The following MYO9B variants were observed in gnomAD, a reference collection of about 807,000 sequenced individuals.
MYO9B encodes myosin IXB.
In MYO9B, 71 loss-of-function variants were observed where a neutral mutation model predicts 229.5. That is an observed-to-expected ratio of 0.31 (90% CI 0.26 to 0.38). MYO9B has a LOEUF of 0.38. Ranked by LOEUF, MYO9B falls within the 10% of genes least tolerant of loss-of-function variation. The pLI is 1.00. For synonymous variants in MYO9B, 1,185 were observed against 1,235.8 expected (o/e 0.96, Z 0.86); for missense variants, 2,255 against 2,920.5 (o/e 0.77, Z 5.25).
chr19:17,135,572 G>A (rs780988627), intron 2 of MYO9B, among the ~76,000 whole-genome samples: 3 of 152,146 alleles, frequency 2.0e-5, no homozygotes, highest in African/African-American at 7.2e-5. Flanking sequence ...CTTCCCCCTC[G>A]GATGTATAAT....
chr19:17,105,617 C>T (rs1018442423), intron 2 of MYO9B, among the ~76,000 whole-genome samples: 1 of 152,114 alleles, frequency 6.6e-6, no homozygotes, highest in African/African-American at 2.4e-5. Context: ...TCCTGAGAGC[C>T]CCCTCAGTGG....
At chr19:17,146,172 TGG>T (rs1344825931) in intron 3 of MYO9B, among the ~76,000 whole-genome samples, 8 of 99,762 alleles carry the variant, frequency 8.0e-5, no homozygotes, top group African/African-American at 3.7e-4. Context: ...GATGGATGGA[TGG>T]ATGGATGGAT....
intron 1 of MYO9B, among the ~76,000 whole-genome samples, chr19:17,094,232 T>C (rs2057667455): frequency 1.3e-5 from 2 of 152,106 alleles, no homozygotes; most frequent in Non-Finnish European, 2.9e-5. Flanking sequence ...ACGGGATTTC[T>C]CCATGTTGGT....
chr19:17,090,118 CT>C (rs59440394), intron 1 of MYO9B, among the ~76,000 whole-genome samples: 1 of 49,234 alleles, frequency 2.0e-5, no homozygotes, highest in Non-Finnish European at 3.7e-5. Flanking sequence ...TGCTTCCTTC[CT>C]TTTTTTTTTT....
rs1386012323 is a variant in MYO9B, at chr19:17,103,187, G to GACCT, written c.840+630_840+631insACCT. 3 of 152,350 alleles carry GACCT rather than the reference G, an allele frequency of 2.0e-5. No homozygotes were observed. In the East Asian group the frequency reaches 5.8e-4, roughly 29 times the overall value. 9.4% of individuals were successfully genotyped at this position (152,350 alleles called of 1,614,324 possible). ...GATTGCACTACTGCACTCCAGCCTG[G>GACCT]GCAACAGAGACAGACCCTGCCTCTA... On this transcript the variant is annotated intron_variant, in intron 2 of 39. Coordinates refer to ENST00000682292, the MANE Select transcript of MYO9B (RefSeq NM_004145.4).
At chr19:17,129,205 G>C (rs2072163562) in intron 2 of MYO9B, among the ~76,000 whole-genome samples, 1 of 152,120 alleles carries the variant, frequency 6.6e-6, no homozygotes, top group Non-Finnish European at 1.5e-5. Flanking sequence ...TTCGAGACCA[G>C]CCTGGCCAAC....
At chr19:17,208,193 G>A (rs888880192) in intron 35 of MYO9B, among the ~76,000 whole-genome samples, 1 of 147,168 alleles carries the variant, frequency 6.8e-6, no homozygotes, top group African/African-American at 2.5e-5. Flanking sequence ...ATATAAACTA[G>A]CCAGGTGTGG....
intron 3 of MYO9B, among the ~76,000 whole-genome samples, chr19:17,149,200 A>G (rs754147437): frequency 1.5e-4 from 23 of 150,958 alleles, no homozygotes; most frequent in Admixed American, 3.3e-4. Flanking sequence ...CTGGTCTTGA[A>G]CTCCTGGCCT....
chr19:17,154,371 G>C lies in MYO9B; in HGVS notation c.1155G>C (p.Lys385Asn), dbSNP rs2072514866. 6.2e-7 allele frequency: 1 copy of C among 1,613,312 alleles called. No homozygotes were observed. Among genetic ancestry groups the C allele is most frequent in the South Asian group, 1.1e-5 (1 of 91,078 alleles). Residue 385 changes from lysine to asparagine, a missense_variant, in exon 6 of 40, where the codon AAG (lysine) becomes AAC (asparagine). Physicochemically the swap from Lys to Asn is moderately conservative, Grantham distance 94. This residue lies in a region of MYO9B where 220 missense variants were observed against 404.5 expected (regional missense o/e 0.54). Coordinates refer to ENST00000682292, the MANE Select transcript of MYO9B (RefSeq NM_004145.4). ...TGAAGCATGACTTTGAGAGGCTCAAGCAGGCCATGGAGATGGTGGGCTTCC... is the reference window on the plus strand; with the variant it reads ...TGAAGCATGACTTTGAGAGGCTCAACCAGGCCATGGAGATGGTGGGCTTCC... ...EDLKHDFERL[K>N]QAMEMVGFLP...
Position 17,109,128 on chromosome 19 carries a change from C to T in MYO9B, c.840+6571C>T, listed in dbSNP as rs190017840. On this transcript the variant is annotated intron_variant, in intron 2 of 39. Coordinates refer to ENST00000682292, the MANE Select transcript of MYO9B (RefSeq NM_004145.4). ...GTCTCCGGGCTGGAGTGCAGTGGCG[C>T]GATCTCGGCTCACTGCAAGTTCTGC... Among the ~76,000 whole-genome samples the T allele has an allele frequency of 2.6e-5, 4 of 151,398 alleles. No homozygotes were observed. In the East Asian group the frequency reaches 5.8e-4, roughly 22 times the overall value.
At chr19:17,124,759 CAAAA>C (rs35063637) in intron 2 of MYO9B, among the ~76,000 whole-genome samples, 3 of 79,158 alleles carry the variant, frequency 3.8e-5, no homozygotes, top group Admixed American at 1.3e-4. Context: ...GACTCTGTCT[CAAAA>C]AAAAAAAAAA....
intron 2 of MYO9B, among the ~76,000 whole-genome samples, chr19:17,129,771 G>C (rs2145166171): frequency 6.6e-6 from 1 of 152,294 alleles, no homozygotes; most frequent in African/African-American, 2.4e-5. Context: ...CATAGTCTCT[G>C]TTCTCCCTAA....
At chr19:17,205,827 G>A in intron 31 of MYO9B, 133 bp from the exon 32 acceptor site, 6 of 888,350 alleles carry the variant, frequency 6.8e-6, no homozygotes, top group Non-Finnish European at 9.9e-6. Flanking sequence ...CCACGCAGAA[G>A]GAGACAGGGA....
intron 1 of MYO9B, among the ~76,000 whole-genome samples, chr19:17,091,666 C>T (rs987386011): frequency 2.0e-4 from 30 of 152,162 alleles, no homozygotes; most frequent in Admixed American, 1.4e-3. Context: ...AGGACCAGGC[C>T]GATGAGCCTT....
intron 2 of MYO9B, among the ~76,000 whole-genome samples, chr19:17,117,964 A>G (rs1383636422): frequency 6.7e-6 from 1 of 149,218 alleles, no homozygotes; most frequent in African/African-American, 2.4e-5. Flanking sequence ...AAAAGAAAAG[A>G]CATATACAGG....
intron 26 of MYO9B, among the ~76,000 whole-genome samples, 162 bp downstream of exon 26, chr19:17,200,991 C>T (rs888418180): frequency 3.3e-5 from 5 of 152,234 alleles, no homozygotes; most frequent in African/African-American, 1.2e-4. Flanking sequence ...GTCATCCCAG[C>T]ACTCTGGGAG....
At chr19:17,185,555 A>AAAAAC (rs1555702431) in intron 17 of MYO9B, among the ~76,000 whole-genome samples, 3 of 150,514 alleles carry the variant, frequency 2.0e-5, no homozygotes, top group African/African-American at 5.0e-5. Flanking sequence ...TCAAAAAAAA[A>AAAAAC]AAAACAAAAC....
intron 2 of MYO9B, among the ~76,000 whole-genome samples, 180 bp downstream of exon 2, chr19:17,102,737 C>CA (rs1197090249): frequency 0.03 from 3,980 of 132,796 alleles, 184 homozygotes; most frequent in African/African-American, 0.1. Context: ...CTTTTCTCTA[C>CA]AAAAAAAAAA....
At chr19:17,157,339 G>T (rs2072548519) in intron 7 of MYO9B, 1 of 280,084 alleles carries the variant, frequency 3.6e-6, no homozygotes, top group East Asian at 7.8e-5. Context: ...CGGATGACCT[G>T]AGGTCAGGAG....
Sources: allele counts gnomAD v4.1 joint callset (sites outside exome capture counted in the v4.1 genomes callset), GRCh38; gene constraint gnomAD v4.1.1; regional missense constraint gnomAD v4.1.1; transcripts MANE v1.5; gene names NCBI Gene and HGNC (gene_info 2026-07-23, HGNC 2026-07-21).